Variants in ACACA observed in about 807,000 individuals in gnomAD.
The protein encoded by ACACA is acetyl-CoA carboxylase alpha.
A neutral mutation model predicts 296.1 loss-of-function variants in ACACA; 103 were observed. That is an observed-to-expected ratio of 0.35 (90% confidence interval 0.30 to 0.41). The LOEUF is 0.41. Ranked by LOEUF, ACACA falls within the 10% of genes least tolerant of loss-of-function variation. The pLI is 1.00. For synonymous variants in ACACA, 953 were observed against 1,038.6 expected, an observed-to-expected ratio of 0.92 and a Z score of 1.58; for missense variants, 1,554 against 2,989.7, an observed-to-expected ratio of 0.52 and a Z score of 11.20.
At chr17:37,160,165 G>A (rs1279576688) in intron 42 of ACACA, among the ~76,000 whole-genome samples, 1 of 152,128 alleles carries the variant, frequency 6.6e-6, no homozygotes, top group Non-Finnish European at 1.5e-5. Context: ...AGGAGGGGAG[G>A]GACAGTGACT....
At chr17:37,234,333 CA>C (rs1388671487) in intron 25 of ACACA, among the ~76,000 whole-genome samples, 1 of 152,160 alleles carries the variant, frequency 6.6e-6, no homozygotes, top group African/African-American at 2.4e-5. Flanking sequence ...CTTCAGCCCA[CA>C]AAAATTCCAC....
intron 29 of ACACA, 87 bp from the exon 30 acceptor site, chr17:37,210,577 G>A (rs2078701265): frequency 7.7e-7 from 1 of 1,291,972 alleles, no homozygotes; most frequent in South Asian, 1.2e-5. Context: ...GACCAGTCAT[G>A]AGGAGCTCCA....
At chr17:37,177,608 A>G (rs772328920) in intron 41 of ACACA, among the ~76,000 whole-genome samples, 1 of 152,198 alleles carries the variant, frequency 6.6e-6, no homozygotes, top group Non-Finnish European at 1.5e-5. Context: ...TCTCAGCCCC[A>G]TGTTCACAAG....
intron 52 of ACACA, among the ~76,000 whole-genome samples, chr17:37,110,629 T>C (rs796299453): frequency 4.6e-5 from 7 of 152,286 alleles, no homozygotes; most frequent in African/African-American, 1.7e-4. Context: ...GATTTTTCTG[T>C]CTCTGGATGG....
intron 41 of ACACA, among the ~76,000 whole-genome samples, chr17:37,163,912 T>C (rs554605694): frequency 6.6e-6 from 1 of 152,336 alleles, no homozygotes; most frequent in South Asian, 2.1e-4. Flanking sequence ...TGAGAACTAG[T>C]CAATCCTTCT....
chr17:37,372,063 T>C (rs2049826549), intron 1 of ACACA, among the ~76,000 whole-genome samples: 1 of 152,062 alleles, frequency 6.6e-6, no homozygotes, highest in Non-Finnish European at 1.5e-5. Context: ...TTATTAAATT[T>C]TTTAAATTTA....
chr17:37,360,766 A>G (rs1437511065), intron 1 of ACACA, among the ~76,000 whole-genome samples: 2 of 152,218 alleles, frequency 1.3e-5, no homozygotes, highest in Non-Finnish European at 2.9e-5. Context: ...ATATTTCACA[A>G]TAATTATATC....
chr17:37,121,681 T>C (rs1046967886), intron 49 of ACACA, among the ~76,000 whole-genome samples, 191 bp from the exon 50 acceptor site: 16 of 152,230 alleles, frequency 1.1e-4, no homozygotes, highest in African/African-American at 3.9e-4. Flanking sequence ...CCTTGTCAAA[T>C]ACTATTCTTT....
chr17:37,203,469 C>T (rs953346571), intron 33 of ACACA, among the ~76,000 whole-genome samples: 1 of 151,782 alleles, frequency 6.6e-6, no homozygotes, highest in Non-Finnish European at 1.5e-5. Context: ...CCAGGCCGGG[C>T]GCAGTGGCTC....
intron 24 of ACACA, among the ~76,000 whole-genome samples, chr17:37,237,480 T>C (rs1433219199): frequency 6.6e-6 from 1 of 152,218 alleles, no homozygotes; most frequent in Non-Finnish European, 1.5e-5. Flanking sequence ...TGTACTTCCA[T>C]GTACAGAAGC....
intron 52 of ACACA, among the ~76,000 whole-genome samples, chr17:37,108,393 T>TC (rs2073805146): frequency 1.3e-5 from 2 of 151,704 alleles, no homozygotes; most frequent in South Asian, 2.1e-4. Flanking sequence ...AATTATGATT[T>TC]TTTTTTTTTT....
chr17:37,347,645 G>A (rs2147421368), intron 1 of ACACA, among the ~76,000 whole-genome samples: 1 of 151,446 alleles, frequency 6.6e-6, no homozygotes, highest in East Asian at 1.9e-4. Context: ...GCTCGCACCT[G>A]TAATCCCAAC....
At chr17:37,320,216 C>G (rs1298116278) in intron 3 of ACACA, among the ~76,000 whole-genome samples, 2 of 152,028 alleles carry the variant, frequency 1.3e-5, no homozygotes, top group African/African-American at 4.8e-5. Flanking sequence ...AAGAACTGCT[C>G]AACAGACCAT....
chr17:37,113,209 A>C lies in ACACA; in HGVS notation c.6331T>G (p.Cys2111Gly). 6.2e-7 allele frequency: 1 copy of C among 1,614,178 alleles called. No homozygotes were observed. The highest frequency in any genetic ancestry group is 8.5e-7 in the Non-Finnish European group (1 of 1,180,020). ...GAYIVDGLRECCQPVLVYIPP... is the reference protein window; with the variant it reads ...GAYIVDGLREGCQPVLVYIPP... ...ATGTAAACCAGCACAGGCTGGCAGC[A>C]CTCCCTCAAGCCATCCACAATGTAA... Residue 2111 changes from cysteine to glycine, a missense_variant, in exon 51 of 56, where the codon TGC becomes GGC. Around this residue, in one of 16 missense-constraint regions of ACACA, gnomAD observed 553 missense variants for 1,043.6 expected, o/e 0.53. Transcript: ENST00000616317. The surrounding 1 kb of genome is among the most constrained non-coding windows in gnomAD (Gnocchi z 4.0).
Position 37,125,686 on chromosome 17 carries a change from A to G in ACACA, c.6041+12T>C. On this transcript the variant is annotated intron_variant, in intron 48 of 55. Transcript: ENST00000616317. ...GGAGGAAAAAGAGCTGCCAAAACAAAAGAGCTCTTACCTGGCTCTACCAAC... is the reference window on the plus strand; with the variant it reads ...GGAGGAAAAAGAGCTGCCAAAACAAGAGAGCTCTTACCTGGCTCTACCAAC... The G allele has an allele frequency of 6.2e-7, 1 of 1,606,720 alleles. No homozygotes were observed. Among genetic ancestry groups the G allele is most frequent in the Non-Finnish European group, 8.5e-7 (1 of 1,173,564 alleles).
chr17:37,374,534 G>A (rs1302827833), intron 1 of ACACA, among the ~76,000 whole-genome samples: 3 of 152,040 alleles, frequency 2.0e-5, no homozygotes, highest in Non-Finnish European at 4.4e-5. Context: ...TCATCCACCC[G>A]CCTCAGCCAC....
chr17:37,186,492 T>C (rs2077537328), intron 39 of ACACA, among the ~76,000 whole-genome samples: 1 of 152,236 alleles, frequency 6.6e-6, no homozygotes, highest in Non-Finnish European at 1.5e-5. Context: ...ATTAACTTCA[T>C]ACAATGATTC....
At chr17:37,314,190 C>T (rs2046977748) in intron 3 of ACACA, among the ~76,000 whole-genome samples, 1 of 149,906 alleles carries the variant, frequency 6.7e-6, no homozygotes, top group Non-Finnish European at 1.5e-5. Flanking sequence ...GCAAGCTCTG[C>T]CTCACGGGTT....
intron 3 of ACACA, among the ~76,000 whole-genome samples, chr17:37,293,890 T>C (rs903385421): frequency 3.9e-5 from 6 of 152,212 alleles, no homozygotes; most frequent in African/African-American, 1.4e-4. Context: ...TCCCATTCAC[T>C]GTACTCAATT....
Sources: allele counts gnomAD v4.1 joint callset (sites outside exome capture counted in the v4.1 genomes callset), GRCh38; gene constraint gnomAD v4.1.1; regional missense constraint gnomAD v4.1.1; non-coding constraint Gnocchi (gnomAD v3.1); transcripts MANE v1.5; gene names NCBI Gene and HGNC (gene_info 2026-07-23, HGNC 2026-07-21).